Variants in CTNNA1 observed in about 807,000 individuals in gnomAD.
CTNNA1 encodes the protein catenin alpha 1.
Under a neutral mutation model 98.4 loss-of-function variants are expected in CTNNA1, and 37 were observed. The observed-to-expected ratio is 0.38, with a 90% CI of 0.29 to 0.49. The LOEUF (loss-of-function observed/expected upper bound fraction) is 0.49. CTNNA1 is among the 20% of genes least tolerant of loss of function. CTNNA1 has a pLI of 0.95. For missense variants in CTNNA1, 761 were observed against 1,147.2 expected (o/e 0.66, Z 4.86); for synonymous variants, 404 against 413.2 (o/e 0.98, Z 0.27).
intron 10 of CTNNA1, among the ~76,000 whole-genome samples, chr5:138,913,508 C>A (rs376708722): frequency 6.6e-6 from 1 of 151,464 alleles, no homozygotes; most frequent in African/African-American, 2.4e-5. Flanking sequence ...CACTTGAACC[C>A]GGGAGGCGGA....
rs1755325634 is a variant in CTNNA1 at position 138,783,208 on chromosome 5, G to A, written c.137G>A (p.Gly46Glu). ...ACCCTTGTAAACACCAATAGTAAAGGGCCCTCTAATAAGAAGAGAGGTCGT... is the reference window on the plus strand; with the variant it reads ...ACCCTTGTAAACACCAATAGTAAAGAGCCCTCTAATAAGAAGAGAGGTCGT... ...VTTLVNTNSK[G>E]PSNKKRGRSK... The change falls in exon 3 of 18, where the codon GGG (glycine) becomes GAG (glutamate). Residue 46 changes from glycine (G) to glutamate (E), a missense_variant. Around this residue, in one of 6 missense-constraint regions of CTNNA1, gnomAD observed 328 missense variants for 354.3 expected, o/e 0.93. Transcript: ENST00000302763. The A allele has an allele frequency of 6.2e-7, 1 of 1,612,332 alleles. No homozygotes were observed. Among genetic ancestry groups the A allele is most frequent in the Non-Finnish European group, 8.5e-7 (1 of 1,179,130 alleles).
At chr5:138,905,487 G>A (rs1759045796) in intron 10 of CTNNA1, among the ~76,000 whole-genome samples, 1 of 152,162 alleles carries the variant, frequency 6.6e-6, no homozygotes, top group East Asian at 1.9e-4. Flanking sequence ...TGTGTTGGAG[G>A]AAACCAAATT....
intron 9 of CTNNA1, among the ~76,000 whole-genome samples, chr5:138,895,583 T>G (rs1369040556): frequency 6.6e-6 from 1 of 152,096 alleles, no homozygotes; most frequent in Non-Finnish European, 1.5e-5. Context: ...AGAAGAAAAT[T>G]GTAACAAAAT....
chr5:138,763,930 C>G (rs1299225331), intron 1 of CTNNA1, among the ~76,000 whole-genome samples: 2 of 152,190 alleles, frequency 1.3e-5, no homozygotes, highest in Non-Finnish European at 2.9e-5. Context: ...GTGGCTCACG[C>G]CTTTAATCCC....
At chr5:138,772,123 C>T (rs1753620808) in intron 1 of CTNNA1, among the ~76,000 whole-genome samples, 1 of 152,172 alleles carries the variant, frequency 6.6e-6, no homozygotes, top group African/African-American at 2.4e-5. Context: ...CCCCTTGGTT[C>T]TGATAGAACT....
At chr5:138,776,740 A>C in intron 1 of CTNNA1, among the ~76,000 whole-genome samples, 1 of 134,776 alleles carries the variant, frequency 7.4e-6, no homozygotes, top group South Asian at 2.5e-4. Context: ...ACTTCCCAGT[A>C]GGGGCGGCCG....
At chr5:138,833,112 AC>A (rs1223933645) in intron 7 of CTNNA1, among the ~76,000 whole-genome samples, 1 of 152,134 alleles carries the variant, frequency 6.6e-6, no homozygotes. Flanking sequence ...AATAAGCAAA[AC>A]CTACCCTTTC....
rs190344831 is a variant in CTNNA1 at position 138,792,366 on chromosome 5, C to T, written c.301+8994C>T. Among the ~76,000 whole-genome samples, 162 of 152,222 alleles carry T rather than the reference C, an allele frequency of 1.1e-3. 1 individual carries two copies. The highest frequency in any genetic ancestry group is 1.7e-3 in the Non-Finnish European group (114 of 68,030). ...TGACTAGAGTCAAGATTGAAGGAGG[C>T]GAAAATTGGTCTCCTGTCCAGTGCA... On this transcript the variant is annotated intron_variant, in intron 3 of 17. Transcript: ENST00000302763.
intron 3 of CTNNA1, among the ~76,000 whole-genome samples, chr5:138,789,748 A>G (rs556489210): frequency 1.0e-3 from 157 of 152,124 alleles, no homozygotes; most frequent in Admixed American, 2.4e-3. Flanking sequence ...GAGCCACCGC[A>G]CCCGGCTGCA....
At chr5:138,931,694 T>C in intron 16 of CTNNA1, 1 of 985,446 alleles carries the variant, frequency 1.0e-6, no homozygotes, top group Non-Finnish European at 1.2e-6. Context: ...TCCTGTTCTT[T>C]CCTCTCTCCA....
At chr5:138,927,472 G>A (rs1411051089) in intron 13 of CTNNA1, among the ~76,000 whole-genome samples, 2 of 42,716 alleles carry the variant, frequency 4.7e-5, no homozygotes, top group Non-Finnish European at 1.0e-4. Context: ...GCTGCCACCC[G>A]CCCCCCCTTC....
rs1339766148 is a variant in CTNNA1, at chr5:138,873,058, A to G, written c.1063-13154A>G. 1.1e-5 allele frequency: 18 copies of G among 1,613,822 alleles called. No homozygotes were observed. Among genetic ancestry groups the G allele is most frequent in the South Asian group, 2.2e-5 (2 of 91,074 alleles). On this transcript the variant is annotated intron_variant, in intron 7 of 17. Transcript: ENST00000302763. This position sits in a 1 kb window ranked among gnomAD's most constrained non-coding sequence, Gnocchi z 6.1. Reference sequence around the variant, plus strand: ...GCAGCTGCTGACACTTGCACTGTCCATAACCATTAATGATGATGAAGGGTC... The same window carrying G: ...GCAGCTGCTGACACTTGCACTGTCCGTAACCATTAATGATGATGAAGGGTC...
chr5:138,801,025 G>C (rs912329787), intron 3 of CTNNA1, among the ~76,000 whole-genome samples: 1 of 152,218 alleles, frequency 6.6e-6, no homozygotes, highest in Non-Finnish European at 1.5e-5. Context: ...TGATGAATGA[G>C]AACTACGAAT....
At chr5:138,791,928 T>C (rs1390065280) in intron 3 of CTNNA1, among the ~76,000 whole-genome samples, 2 of 152,082 alleles carry the variant, frequency 1.3e-5, no homozygotes, top group African/African-American at 2.4e-5. Flanking sequence ...TGTATACGTG[T>C]ACTATGTTGG....
chr5:138,780,472 C>T (rs186206763), intron 1 of CTNNA1, among the ~76,000 whole-genome samples: 2,386 of 151,050 alleles, frequency 0.016, 69 homozygotes, highest in African/African-American at 0.053. Context: ...GGATTACAGG[C>T]GTGAGCCACT....
chr5:138,837,546 C>T (rs905715196), intron 7 of CTNNA1, among the ~76,000 whole-genome samples: 2 of 130,838 alleles, frequency 1.5e-5, no homozygotes, highest in Non-Finnish European at 3.3e-5. Flanking sequence ...CCCCTTTCCC[C>T]ACTCCTCCGT....
At chr5:138,832,709 T>G (rs572938565) in intron 7 of CTNNA1, among the ~76,000 whole-genome samples, 1 of 152,184 alleles carries the variant, frequency 6.6e-6, no homozygotes, top group Non-Finnish European at 1.5e-5. Context: ...AATAACAGTT[T>G]TAATTCTCTC....
chr5:138,796,468 C>G (rs181525197), intron 3 of CTNNA1, among the ~76,000 whole-genome samples: 1 of 151,658 alleles, frequency 6.6e-6, no homozygotes, highest in Non-Finnish European at 1.5e-5. Flanking sequence ...GGCGTGAACC[C>G]GGGAGGTGGA....
chr5:138,904,246 C>T (rs1338035346), intron 9 of CTNNA1, 103 bp from the exon 10 acceptor site: 37 of 1,391,220 alleles, frequency 2.7e-5, no homozygotes, highest in Non-Finnish European at 3.5e-5. Flanking sequence ...CCTTGGTGCC[C>T]TTGTCATCTG....
Sources: gnomAD v4.1 joint callset for allele counts (sites outside exome capture counted in the v4.1 genomes callset) on GRCh38, gnomAD v4.1.1 for gene constraint, gnomAD v4.1.1 regional missense constraint, Gnocchi (gnomAD v3.1) non-coding constraint, MANE v1.5 for transcripts, NCBI Gene and HGNC (gene_info 2026-07-23, HGNC 2026-07-21) for gene names.